PRDM6: variants seen among roughly 807,000 people sequenced by gnomAD.
The protein encoded by PRDM6 is putative histone-lysine N-methyltransferase PRDM6.
A neutral mutation model predicts 60.8 loss-of-function variants in PRDM6; 25 were observed. That is an observed-to-expected ratio of 0.41 (90% CI 0.30 to 0.57). The LOEUF is 0.57. PRDM6 is among the 20% of genes least tolerant of loss of function. The pLI is 0.27. For synonymous variants in PRDM6, 407 were observed against 357.4 expected (o/e 1.14, Z -1.57); for missense variants, 839 against 821.3 (o/e 1.02, Z -0.26).
chr5:123,158,875 T>C (rs1372729397), intron 4 of PRDM6, among the ~76,000 whole-genome samples: 1 of 152,172 alleles, frequency 6.6e-6, no homozygotes, highest in Non-Finnish European at 1.5e-5. Context: ...ATAAAAAATG[T>C]TCATTTTTCA....
intron 4 of PRDM6, among the ~76,000 whole-genome samples, chr5:123,156,634 G>C (rs1176121686): frequency 6.6e-6 from 1 of 152,200 alleles, no homozygotes; most frequent in Non-Finnish European, 1.5e-5. Flanking sequence ...CTGGTTTCCT[G>C]AAAGGTATGG....
intron 3 of PRDM6, among the ~76,000 whole-genome samples, chr5:123,130,145 C>T (rs1231787769): frequency 2.3e-5 from 1 of 42,706 alleles, no homozygotes; most frequent in African/African-American, 1.3e-4. Flanking sequence ...CCTTCCTCTC[C>T]CCTTCCCTCC....
chr5:123,159,728 G>A (rs1424919773), intron 5 of PRDM6, 90 bp downstream of exon 5: 7 of 1,249,044 alleles, frequency 5.6e-6, no homozygotes, highest in African/African-American at 4.5e-5. Flanking sequence ...CTCATGAAAC[G>A]TGGTTCACTG....
chr5:123,143,308 G>A (rs964062427), intron 3 of PRDM6, among the ~76,000 whole-genome samples: 1 of 152,046 alleles, frequency 6.6e-6, no homozygotes, highest in African/African-American at 2.4e-5. Context: ...CCTGCCTGAA[G>A]CTTCTCTATA....
chr5:123,181,389 T>C (rs1766156912), intron 7 of PRDM6, among the ~76,000 whole-genome samples: 1 of 152,202 alleles, frequency 6.6e-6, no homozygotes, highest in Non-Finnish European at 1.5e-5. Flanking sequence ...AGATATGTTT[T>C]GAAGGATAAG....
intron 2 of PRDM6, among the ~76,000 whole-genome samples, chr5:123,098,624 A>G (rs1034202050): frequency 6.6e-6 from 1 of 152,138 alleles, no homozygotes; most frequent in Non-Finnish European, 1.5e-5. Flanking sequence ...GCTGCTTTGG[A>G]GAGTGTCGGA....
Position 123,090,477 on chromosome 5 carries a change from G to C in PRDM6, c.463G>C (p.Gly155Arg). 1 of 1,484,148 alleles carries C rather than the reference G, an allele frequency of 6.7e-7. No individual in the cohort carries two copies. Among genetic ancestry groups the C allele is most frequent in the East Asian group, 2.9e-5 (1 of 34,104 alleles). The allele number at this position is 1,484,148 out of a possible 1,614,324, so 91.9% of individuals were successfully genotyped here. A position where few individuals can be genotyped will look rare whatever the true frequency, so the allele number is the denominator to read the frequency against. Reference sequence around the variant, plus strand: ...GCCCGTCAAGTGCGGTGGTGGTGGCGGCGGCGGCGGGGAGGGTCGCGGCGC... The same window carrying C: ...GCCCGTCAAGTGCGGTGGTGGTGGCCGCGGCGGCGGGGAGGGTCGCGGCGC... ...PGPVKCGGGGGGGGEGRGAPR... is the reference protein window; with the variant it reads ...PGPVKCGGGGRGGGEGRGAPR... Residue 155 changes from glycine (G) to arginine (R), a missense_variant, in exon 2 of 8, where the codon GGC becomes CGC. By Grantham distance (125) the Gly-to-Arg change is moderately radical (BLOSUM62 -2). Around this residue, in one of 2 missense-constraint regions of PRDM6, gnomAD observed 730 missense variants for 648.8 expected, o/e 1.13. Transcript: ENST00000407847.
chr5:123,122,613 T>G (rs1764605446), intron 3 of PRDM6, among the ~76,000 whole-genome samples: 1 of 152,194 alleles, frequency 6.6e-6, no homozygotes, highest in South Asian at 2.1e-4. Flanking sequence ...TATTTGTAGT[T>G]ATCGATCTTT....
At chr5:123,184,181 C>G (rs1446133862) in intron 7 of PRDM6, among the ~76,000 whole-genome samples, 1 of 152,104 alleles carries the variant, frequency 6.6e-6, no homozygotes. Flanking sequence ...TATTTTGTGG[C>G]ATATCATAGA....
chr5:123,121,997 A>G (rs1452265979), intron 3 of PRDM6, among the ~76,000 whole-genome samples: 3 of 151,516 alleles, frequency 2.0e-5, no homozygotes, highest in Non-Finnish European at 4.4e-5. Context: ...CCCCGTCTCT[A>G]CTAAAAATAG....
At chr5:123,128,870 G>T (rs1274801871) in intron 3 of PRDM6, among the ~76,000 whole-genome samples, 3 of 152,140 alleles carry the variant, frequency 2.0e-5, no homozygotes, top group Non-Finnish European at 4.4e-5. Context: ...GTATTGGCTA[G>T]GTTTTCTTGT....
intron 3 of PRDM6, among the ~76,000 whole-genome samples, chr5:123,150,260 A>C (rs572206892): frequency 2.6e-5 from 4 of 152,264 alleles, no homozygotes; most frequent in African/African-American, 9.6e-5. Context: ...AAATCACGTC[A>C]TCACAATTGT....
chr5:123,128,437 C>G (rs1242843010), intron 3 of PRDM6, among the ~76,000 whole-genome samples: 1 of 152,158 alleles, frequency 6.6e-6, no homozygotes, highest in Non-Finnish European at 1.5e-5. Flanking sequence ...CCTGTTGTTT[C>G]CTGACTTTTT....
Position 123,099,720 on chromosome 5 carries a change from G to C in PRDM6, c.659G>C (p.Arg220Pro). 1 of 1,531,882 alleles carries C rather than the reference G, an allele frequency of 6.5e-7. No homozygotes were observed. The highest frequency in any genetic ancestry group is 8.8e-7 in the Non-Finnish European group (1 of 1,139,588). 94.9% of individuals were successfully genotyped at this position (1,531,882 alleles called of 1,614,324 possible). A position where few individuals can be genotyped will look rare whatever the true frequency, so the allele number is the denominator to read the frequency against. The stretch of plus-strand genomic sequence containing the variant: ...ATGCATGGGCCACTGCACTCGCTGC[G>C]CCGGCTTGTGGGCACCAGCAGCGCT... The part of the protein sequence containing the change: ...CPMHGPLHSL[R>P]RLVGTSSAAA... The change falls in exon 3 of 8, where the codon CGC (arginine) becomes CCC (proline). Residue 220 changes from arginine to proline, a missense_variant. Physicochemically the swap from Arg to Pro is moderately radical, Grantham distance 103. Coordinates refer to ENST00000407847, the MANE Select transcript of PRDM6 (RefSeq NM_001136239.4). This position sits in a 1 kb window ranked among gnomAD's most constrained non-coding sequence, Gnocchi z 4.0.
At chr5:123,143,183 G>C (rs1765158947) in intron 3 of PRDM6, among the ~76,000 whole-genome samples, 1 of 151,384 alleles carries the variant, frequency 6.6e-6, no homozygotes, top group African/African-American at 2.4e-5. Context: ...GTGTGTATGT[G>C]GGTGTGTGTA....
At position 123,187,107 on chromosome 5, in the gene PRDM6, G is replaced by A; in HGVS notation, c.1694G>A (p.Ser565Asn). The A allele has an allele frequency of 6.4e-7, 1 of 1,551,498 alleles. No individual in the cohort carries two copies. The highest frequency in any genetic ancestry group is 1.4e-5 in the African/African-American group (1 of 73,160). ...ACCAGGTGCGAGAGGTGTGAGAGGA[G>A]CTTCACGCAGGCCACCCAGCTGAGC... The part of the protein sequence containing the change: ...KPFKCERCER[S>N]FTQATQLSRH... The change falls in exon 8 of 8, where the codon AGC (serine) becomes AAC (asparagine). Residue 565 changes from serine to asparagine, a missense_variant. Ser to Asn is a conservative substitution (Grantham distance 46). This residue lies in a region of PRDM6 where 109 missense variants were observed against 172.6 expected (regional missense o/e 0.63). Coordinates refer to ENST00000407847, the MANE Select transcript of PRDM6 (RefSeq NM_001136239.4).
rs1258866215 is a variant in PRDM6, at chr5:123,090,464, C to CGGT, written c.459_461dup (p.Gly158dup). On this transcript the variant is annotated inframe_insertion, in exon 2 of 8. Coordinates refer to ENST00000407847, the MANE Select transcript of PRDM6 (RefSeq NM_001136239.4). ...CCTCCGGCCCCGGGCCCGTCAAGTG[C>CGGT]GGTGGTGGTGGCGGCGGCGGCGGGG... The CGGT allele has an allele frequency of 1.4e-5, 20 of 1,479,788 alleles. No individual in the cohort carries two copies. The East Asian group carries it at 1.5e-4, about 11-fold the overall frequency. The allele number at this position is 1,479,788 out of a possible 1,614,324, so 91.7% of individuals were successfully genotyped here.
chr5:123,154,071 A>C (rs1205921870), intron 3 of PRDM6, among the ~76,000 whole-genome samples: 1 of 151,868 alleles, frequency 6.6e-6, no homozygotes, highest in Non-Finnish European at 1.5e-5. Flanking sequence ...GGTTAAGATT[A>C]AAAATTTCAA....
intron 3 of PRDM6, among the ~76,000 whole-genome samples, chr5:123,148,178 C>T (rs914563496): frequency 1.3e-5 from 2 of 152,182 alleles, no homozygotes; most frequent in Admixed American, 6.5e-5. Flanking sequence ...TCAACATAAA[C>T]CTCTAATGAT....
Sources: gnomAD v4.1 joint callset for allele counts (sites outside exome capture counted in the v4.1 genomes callset) on GRCh38, gnomAD v4.1.1 for gene constraint, gnomAD v4.1.1 regional missense constraint, Gnocchi (gnomAD v3.1) non-coding constraint, MANE v1.5 for transcripts, NCBI Gene and HGNC (gene_info 2026-07-23, HGNC 2026-07-21) for gene names.